Variants in MYO15A observed in about 807,000 individuals in gnomAD.
MYO15A encodes myosin XVA.
Under a neutral mutation model 394.6 loss-of-function variants are expected in MYO15A, and 308 were observed. The observed-to-expected ratio is 0.78, with a 90% CI of 0.71 to 0.86. MYO15A has a LOEUF of 0.86. MYO15A is among the 40% of genes least tolerant of loss of function. The probability of loss-of-function intolerance (pLI) is 0.00; values close to 1 mark genes in which losing one functional copy is unlikely to be tolerated. For synonymous variants in MYO15A, 1,957 were observed against 2,003.8 expected (o/e 0.98, Z 0.62); for missense variants, 4,606 against 4,799.1 (o/e 0.96, Z 1.19).
chr17:18,125,948 C>T (rs910146285), intron 4 of MYO15A, among the ~76,000 whole-genome samples: 20 of 152,166 alleles, frequency 1.3e-4, no homozygotes, highest in African/African-American at 4.8e-4. Flanking sequence ...GTGTGGAAGA[C>T]AAGGACACCC....
Position 18,121,150 on chromosome 17 carries a change from C to T in MYO15A, c.2350C>T (p.Pro784Ser). 6.6e-7 allele frequency: 1 copy of T among 1,511,700 alleles called. No individual in the cohort carries two copies. The highest frequency in any genetic ancestry group is 1.2e-5 in the South Asian group (1 of 81,656). 93.6% of individuals were successfully genotyped at this position (1,511,700 alleles called of 1,614,324 possible). A position where few individuals can be genotyped will look rare whatever the true frequency, so the allele number is the denominator to read the frequency against. Residue 784 changes from proline (P) to serine (S), a missense_variant, in exon 2 of 66, where the codon CCG (proline) becomes TCG (serine). By Grantham distance (74) the Pro-to-Ser change is moderately conservative (BLOSUM62 -1). This residue lies in a region of MYO15A where 1,830 missense variants were observed against 1,689.7 expected (regional missense o/e 1.08). Coordinates refer to ENST00000647165, the MANE Select transcript of MYO15A (RefSeq NM_016239.4). This position sits in a 1 kb window ranked among gnomAD's most constrained non-coding sequence, Gnocchi z 5.3. ...ASPQPSLRSS[P>S]GLGYCSPLAP... ...GCCCCAGCCCTCGCTGAGGAGCTCGCCGGGCCTCGGCTACTGCTCACCCTT... is the reference window on the plus strand; with the variant it reads ...GCCCCAGCCCTCGCTGAGGAGCTCGTCGGGCCTCGGCTACTGCTCACCCTT...
In MYO15A at chr17:18,131,245, G is replaced by A. The variant is rs1405374924; in HGVS notation, c.4045G>A (p.Glu1349Lys). Reference protein sequence around the residue: ...REVMQQIKILEATPLLESFGN... With the variant: ...REVMQQIKILKATPLLESFGN... Reference sequence around the variant, plus strand: ...ATCTCCTTCTGGAGTCCAGATCCTGGAGGCAACACCCCTCTTGGAGTCCTT... The same window carrying A: ...ATCTCCTTCTGGAGTCCAGATCCTGAAGGCAACACCCCTCTTGGAGTCCTT... Residue 1349 changes from glutamate (E) to lysine (K), a missense_variant, in exon 9 of 66, where the codon GAG becomes AAG. This residue lies in a region of MYO15A where 2,776 missense variants were observed against 3,109.3 expected (regional missense o/e 0.89). Transcript: ENST00000647165. 2 of 1,613,870 alleles carry A rather than the reference G, an allele frequency of 1.2e-6. No homozygotes were observed. The highest frequency in any genetic ancestry group is 1.3e-5 in the African/African-American group (1 of 74,872).
intron 42 of MYO15A, 82 bp downstream of exon 42, chr17:18,152,266 G>A: frequency 7.3e-7 from 1 of 1,363,816 alleles, no homozygotes; most frequent in Non-Finnish European, 1.0e-6. Context: ...TGTCGGTGGA[G>A]TGTGTGTGTC....
intron 25 of MYO15A, 83 bp downstream of exon 25, chr17:18,142,923 C>A: frequency 7.7e-7 from 1 of 1,304,644 alleles, no homozygotes. Context: ...GACTACTGGC[C>A]TCAGGCAGTC....
At position 18,121,570 on chromosome 17, in the gene MYO15A, C is replaced by G; in HGVS notation, c.2770C>G (p.Pro924Ala). The change falls in exon 2 of 66, where the codon CCA (proline) becomes GCA (alanine). Residue 924 changes from proline to alanine, a missense_variant. Around this residue, in one of 2 missense-constraint regions of MYO15A, gnomAD observed 1,830 missense variants for 1,689.7 expected, o/e 1.08. Transcript: ENST00000647165. The surrounding 1 kb of genome is among the most constrained non-coding windows in gnomAD (Gnocchi z 5.3). Reference protein sequence around the residue: ...EDSETPWTVPPLAPSWDVDMP... With the variant: ...EDSETPWTVPALAPSWDVDMP... ...CTCAGAGACGCCCTGGACTGTGCCCCCACTGGCCCCCAGCTGGGACGTGGA... is the reference window on the plus strand; with the variant it reads ...CTCAGAGACGCCCTGGACTGTGCCCGCACTGGCCCCCAGCTGGGACGTGGA... 4 of 1,591,874 alleles carry G rather than the reference C, an allele frequency of 2.5e-6. No individual in the cohort carries two copies. Among genetic ancestry groups the G allele is most frequent in the Non-Finnish European group, 3.4e-6 (4 of 1,169,438 alleles).
rs780218169 is a variant in MYO15A at position 18,133,273 on chromosome 17, C to T, written c.4369C>T (p.Arg1457Trp). ...AGKSDADDFR[R>W]LLAAMEVLGF... ...AAAGAGCGATGCAGATGACTTTCGC[C>T]GGCTCCTGGCTGCCATGGAGGTGTT... Residue 1457 changes from arginine to tryptophan, a missense_variant, in exon 12 of 66, where the codon CGG (arginine) becomes TGG (tryptophan). Coordinates refer to ENST00000647165, the MANE Select transcript of MYO15A (RefSeq NM_016239.4). 1.6e-5 allele frequency: 26 copies of T among 1,614,016 alleles called. No individual in the cohort carries two copies. The highest frequency in any genetic ancestry group is 5.0e-5 in the Admixed American group (3 of 59,996).
chr17:18,120,050 C>G lies in MYO15A; in HGVS notation c.1250C>G (p.Pro417Arg). Residue 417 changes from proline (P) to arginine (R), a missense_variant, in exon 2 of 66, where the codon CCC becomes CGC. Pro to Arg is a moderately radical substitution (Grantham distance 103). This residue lies in a region of MYO15A where 1,830 missense variants were observed against 1,689.7 expected (regional missense o/e 1.08). Coordinates refer to ENST00000647165, the MANE Select transcript of MYO15A (RefSeq NM_016239.4). ...TTTGTGTACCCCTGGGTACCACCGC[C>G]CATCCCGTCGCCCCACAACCCGTAT... Reference protein sequence around the residue: ...SAFVYPWVPPPIPSPHNPYAH... With the variant: ...SAFVYPWVPPRIPSPHNPYAH... 6.2e-7 allele frequency: 1 copy of G among 1,613,540 alleles called. No homozygotes were observed. Among genetic ancestry groups the G allele is most frequent in the Non-Finnish European group, 8.5e-7 (1 of 1,179,974 alleles).
At position 18,120,407 on chromosome 17, in the gene MYO15A, C is replaced by T. The variant is rs776819748; in HGVS notation, c.1607C>T (p.Thr536Met). Residue 536 changes from threonine (T) to methionine (M), a missense_variant, in exon 2 of 66, where the codon ACG becomes ATG. By Grantham distance (81) the Thr-to-Met change is moderately conservative. Transcript: ENST00000647165. The stretch of plus-strand genomic sequence containing the variant: ...GGCCACCCTTTCTGGGGCTTCCTCA[C>T]GCCGCGCCAGCGCAACCTCCAGCGC... ...PYGHPFWGFLTPRQRNLQRAL... is the reference protein window; with the variant it reads ...PYGHPFWGFLMPRQRNLQRAL... 28 of 1,605,402 alleles carry T rather than the reference C, an allele frequency of 1.7e-5. No homozygotes were observed. The highest frequency in any genetic ancestry group is 2.4e-5 in the Non-Finnish European group (28 of 1,177,278).
intron 12 of MYO15A, among the ~76,000 whole-genome samples, chr17:18,135,469 GTA>G (rs1423000050): frequency 6.6e-6 from 1 of 152,232 alleles, no homozygotes; most frequent in Non-Finnish European, 1.5e-5. Flanking sequence ...AGCCTCCTGA[GTA>G]GCTGGGATTA....
chr17:18,114,860 C>T (rs986624606), intron 1 of MYO15A, among the ~76,000 whole-genome samples: 5 of 152,128 alleles, frequency 3.3e-5, no homozygotes, highest in East Asian at 1.9e-4. Flanking sequence ...CGGCTCATTC[C>T]GTGGCCTCTC....
Position 18,148,159 on chromosome 17 carries a change from AC to A in MYO15A, c.6641del (p.Thr2214LysfsTer39). The part of the protein sequence containing the change: ...RTLPPTQLEW[T>X]ATYEKASMAL... ...CTTACCCCCGACCCAGCTCGAGTGG[AC>A]AGCGACCTATGAGAAGGCCAGCATG... On this transcript the variant is annotated frameshift_variant, in exon 31 of 66. Transcript: ENST00000647165. LOFTEE classifies it high-confidence loss of function. The surrounding 1 kb of genome is among the most constrained non-coding windows in gnomAD (Gnocchi z 4.8). 1 of 1,613,800 alleles carries A rather than the reference AC, an allele frequency of 6.2e-7. No homozygotes were observed. The highest frequency in any genetic ancestry group is 8.5e-7 in the Non-Finnish European group (1 of 1,180,024).
rs759754620 is a variant in MYO15A, at chr17:18,162,654, G to A, written c.9587G>A (p.Ser3196Asn). 3 of 1,614,056 alleles carry A rather than the reference G, an allele frequency of 1.9e-6. 1 individual carries two copies. The highest frequency in any genetic ancestry group is 2.5e-6 in the Non-Finnish European group (3 of 1,179,956). The change falls in exon 58 of 66, where the codon AGC (serine) becomes AAC (asparagine). Residue 3196 changes from serine to asparagine, a missense_variant. Physicochemically the swap from Ser to Asn is conservative, Grantham distance 46. This residue lies in a region of MYO15A where 2,776 missense variants were observed against 3,109.3 expected (regional missense o/e 0.89). Transcript: ENST00000647165. ...LRFGGRLELP[S>N]SIELRAMLAG... is the part of the protein sequence containing the mutation. ...TTCGGAGGTCGTCTGGAGCTCCCCA[G>A]CAGCATAGAGCTTCGGGCCATGTTG...
chr17:18,124,430 G>GGGGGA, intron 2 of MYO15A, 53 bp from the exon 3 acceptor site: 1 of 1,579,298 alleles, frequency 6.3e-7, no homozygotes, highest in South Asian at 1.1e-5. Flanking sequence ...AGGGGTCAGT[G>GGGGGA]GGGGAGGGGG....
chr17:18,142,404 T>A, intron 24 of MYO15A, 150 bp downstream of exon 24: 1 of 1,047,486 alleles, frequency 9.5e-7, no homozygotes, highest in Non-Finnish European at 1.4e-6. Context: ...ATTCTCTGTG[T>A]CTCTGCTTTT....
At position 18,132,585 on chromosome 17, in the gene MYO15A, C is replaced by G. The variant is rs1230681303; in HGVS notation, c.4320+19C>G. The G allele has an allele frequency of 6.3e-7, 1 of 1,597,912 alleles. No individual in the cohort carries two copies. Among genetic ancestry groups the G allele is most frequent in the Non-Finnish European group, 8.5e-7 (1 of 1,171,858 alleles). On this transcript the variant is annotated intron_variant, in intron 11 of 65. Coordinates refer to ENST00000647165, the MANE Select transcript of MYO15A (RefSeq NM_016239.4). This position sits in a 1 kb window ranked among gnomAD's most constrained non-coding sequence, Gnocchi z 4.6. ...GAACCAGGTGAGTGCCAGCAGGCAT[C>G]TGAAGGCCCCTGGCCCTGGTCCTCC...
intron 64 of MYO15A, chr17:18,173,478 GA>G (rs1370137695): frequency 2.4e-6 from 1 of 414,854 alleles, no homozygotes; most frequent in African/African-American, 2.0e-5. Context: ...AAGCAACTTT[GA>G]TGTGAAGTTC....
At chr17:18,175,273 C>G (rs1190647190) in intron 65 of MYO15A, among the ~76,000 whole-genome samples, 3 of 138,490 alleles carry the variant, frequency 2.2e-5, no homozygotes, top group Non-Finnish European at 4.7e-5. Flanking sequence ...CTTTTCTGGT[C>G]TTTCCTCCTC....
intron 22 of MYO15A, 112 bp from the exon 23 acceptor site, chr17:18,141,541 C>A: frequency 1.0e-6 from 1 of 998,776 alleles, no homozygotes; most frequent in Non-Finnish European, 1.6e-6. Flanking sequence ...TTTGTGGAGC[C>A]ACCACTGGGA....
intron 21 of MYO15A, 33 bp downstream of exon 21, chr17:18,140,865 A>G (rs1269065799): frequency 1.2e-6 from 2 of 1,613,864 alleles, no homozygotes; most frequent in Non-Finnish European, 8.5e-7. Context: ...GAGAGAGCCA[A>G]ATCCTCCTGC....
Sources: gnomAD v4.1 joint callset for allele counts (sites outside exome capture counted in the v4.1 genomes callset) on GRCh38, gnomAD v4.1.1 for gene constraint, gnomAD v4.1.1 regional missense constraint, Gnocchi (gnomAD v3.1) non-coding constraint, MANE v1.5 for transcripts, NCBI Gene and HGNC (gene_info 2026-07-23, HGNC 2026-07-21) for gene names.